The following RNF180 variants were observed in gnomAD, a reference collection of about 807,000 sequenced individuals.
The protein encoded by RNF180 is E3 ubiquitin-protein ligase RNF180.
RNF180 carries 38 observed loss-of-function variants against 59.2 expected under a neutral mutation model. That is an observed-to-expected ratio of 0.64 (90% CI 0.50 to 0.84). RNF180 has a LOEUF of 0.84. RNF180 is among the 40% of genes least tolerant of loss of function. The pLI, the probability that RNF180 is intolerant of heterozygous loss-of-function variation, is 0.00. For synonymous variants in RNF180, 262 were observed against 240.3 expected (o/e 1.09, Z -0.84); for missense variants, 705 against 700.9 (o/e 1.01, Z -0.07).
intron 5 of RNF180, among the ~76,000 whole-genome samples, chr5:64,259,641 G>A (rs1396519691): frequency 1.3e-5 from 2 of 152,058 alleles, no homozygotes; most frequent in East Asian, 3.9e-4. Flanking sequence ...ATAAAATTCA[G>A]GCCAGGCACA....
At chr5:64,349,220 T>G (rs1331409851) in intron 7 of RNF180, among the ~76,000 whole-genome samples, 1 of 152,092 alleles carries the variant, frequency 6.6e-6, no homozygotes, top group Non-Finnish European at 1.5e-5. Flanking sequence ...CACCATTCCT[T>G]GAGAAAAACT....
chr5:64,209,644 C>G (rs1429363519), intron 2 of RNF180, among the ~76,000 whole-genome samples: 1 of 152,042 alleles, frequency 6.6e-6, no homozygotes, highest in Non-Finnish European at 1.5e-5. Context: ...CTCTCTGTCA[C>G]TGCCACCCTT....
At chr5:64,177,526 CAT>C (rs58046669) in intron 1 of RNF180, among the ~76,000 whole-genome samples, 1,278 of 104,574 alleles carry the variant, frequency 0.012, 6 homozygotes, top group East Asian at 0.032. Context: ...TAAATTATGC[CAT>C]ATATATATAT....
At chr5:64,171,386 A>G (rs6867163) in intron 1 of RNF180, among the ~76,000 whole-genome samples, 2,052 of 152,314 alleles carry the variant, frequency 0.013, 32 homozygotes, top group African/African-American at 0.032. Flanking sequence ...TTTGTTTTAC[A>G]GTAAGGGCAT....
intron 1 of RNF180, among the ~76,000 whole-genome samples, chr5:64,175,326 G>A (rs750355476): frequency 7.2e-5 from 11 of 152,022 alleles, no homozygotes; most frequent in South Asian, 2.1e-4. Context: ...GGTTTAGTTC[G>A]TTCTTCTACA....
intron 5 of RNF180, among the ~76,000 whole-genome samples, chr5:64,249,731 G>T (rs1394606175): frequency 2.6e-5 from 4 of 152,020 alleles, no homozygotes; most frequent in Admixed American, 1.3e-4. Context: ...AGAAAAACAT[G>T]GTCATTATGT....
chr5:64,349,581 C>G (rs962777437), intron 7 of RNF180, among the ~76,000 whole-genome samples: 1 of 151,918 alleles, frequency 6.6e-6, no homozygotes, highest in African/African-American at 2.4e-5. Context: ...ATCTCTCCCC[C>G]CTTGCCCCCC....
chr5:64,202,177 C>G (rs1186990479), intron 2 of RNF180, among the ~76,000 whole-genome samples: 1 of 152,198 alleles, frequency 6.6e-6, no homozygotes, highest in African/African-American at 2.4e-5. Flanking sequence ...AGGCAGTGGT[C>G]TCCCTCTCAC....
At chr5:64,349,660 T>C (rs1051247289) in intron 7 of RNF180, among the ~76,000 whole-genome samples, 2 of 152,078 alleles carry the variant, frequency 1.3e-5, no homozygotes, top group Non-Finnish European at 2.9e-5. Context: ...ATTGTTCAGT[T>C]GCCACCTATG....
intron 5 of RNF180, among the ~76,000 whole-genome samples, chr5:64,290,377 A>G (rs1742514029): frequency 6.6e-6 from 1 of 152,244 alleles, no homozygotes; most frequent in Admixed American, 6.5e-5. Flanking sequence ...AGAGTTTTGT[A>G]GATATCTATC....
At chr5:64,199,242 A>G (rs1751607467) in intron 1 of RNF180, among the ~76,000 whole-genome samples, 1 of 152,190 alleles carries the variant, frequency 6.6e-6, no homozygotes, top group Non-Finnish European at 1.5e-5. Context: ...GAAGGTCTGA[A>G]CTAGAGGGGC....
At chr5:64,338,545 G>A (rs1315267059) in intron 7 of RNF180, among the ~76,000 whole-genome samples, 1 of 151,534 alleles carries the variant, frequency 6.6e-6, no homozygotes, top group Non-Finnish European at 1.5e-5. Context: ...TGAGGCAGGA[G>A]AATGGCGTGA....
intron 7 of RNF180, among the ~76,000 whole-genome samples, chr5:64,368,902 C>T (rs1454017247): frequency 1.3e-5 from 2 of 152,038 alleles, no homozygotes. Context: ...GTCAGTGTGG[C>T]GAGTCCTCAG....
chr5:64,262,893 C>G (rs2112323918), intron 5 of RNF180, among the ~76,000 whole-genome samples: 1 of 152,238 alleles, frequency 6.6e-6, no homozygotes, highest in South Asian at 2.1e-4. Context: ...ATGTCTCTGC[C>G]TAACCAAAAA....
At chr5:64,171,398 G>A (rs1386941436) in intron 1 of RNF180, among the ~76,000 whole-genome samples, 1 of 152,162 alleles carries the variant, frequency 6.6e-6, no homozygotes, top group Non-Finnish European at 1.5e-5. Flanking sequence ...TAAGGGCATT[G>A]TCAGCCTTTT....
intron 7 of RNF180, among the ~76,000 whole-genome samples, chr5:64,335,351 T>G (rs187419319): frequency 6.6e-6 from 1 of 152,218 alleles, no homozygotes; most frequent in Admixed American, 6.5e-5. Context: ...ATCTTTCTGG[T>G]GTGTACTTGC....
intron 5 of RNF180, among the ~76,000 whole-genome samples, chr5:64,309,331 T>C (rs1355782213): frequency 6.6e-6 from 1 of 151,718 alleles, no homozygotes; most frequent in Non-Finnish European, 1.5e-5. Context: ...GGTAAGAAAG[T>C]ATTTCTTGAA....
chr5:64,344,112 A>G (rs1745462132), intron 7 of RNF180, among the ~76,000 whole-genome samples: 2 of 152,042 alleles, frequency 1.3e-5, no homozygotes, highest in South Asian at 4.1e-4. Context: ...AAACATCTAG[A>G]AAATAAAAAA....
At chr5:64,337,153 A>G (rs530845116) in intron 7 of RNF180, among the ~76,000 whole-genome samples, 1 of 152,048 alleles carries the variant, frequency 6.6e-6, no homozygotes, top group East Asian at 1.9e-4. Context: ...AGCTGGGACT[A>G]CAGGAGCACA....
Sources: allele counts gnomAD v4.1 joint callset (sites outside exome capture counted in the v4.1 genomes callset), GRCh38; gene constraint gnomAD v4.1.1; transcripts MANE v1.5; gene names NCBI Gene and HGNC (gene_info 2026-07-23, HGNC 2026-07-21).